Variants in KIF26B observed in about 807,000 individuals in gnomAD.
KIF26B encodes kinesin-like protein KIF26B.
A neutral mutation model predicts 151.2 loss-of-function variants in KIF26B; 63 were observed. The observed-to-expected ratio is 0.42, with a 90% CI of 0.34 to 0.51. The LOEUF (loss-of-function observed/expected upper bound fraction) is 0.51. KIF26B is among the 20% of genes least tolerant of loss of function. The probability of loss-of-function intolerance (pLI) is 0.07; values close to 1 mark genes in which losing one functional copy is unlikely to be tolerated. For missense variants in KIF26B, 2,813 were observed against 2,913.6 expected (o/e 0.97, Z 0.79); for synonymous variants, 1,357 against 1,262.1 (o/e 1.08, Z -1.59).
intron 10 of KIF26B, among the ~76,000 whole-genome samples, chr1:245,656,740 C>G (rs537139809): frequency 6.6e-6 from 1 of 151,584 alleles, no homozygotes; most frequent in Non-Finnish European, 1.5e-5. Flanking sequence ...GTCAGAGTGT[C>G]CAACCATAAA....
At chr1:245,561,228 C>T (rs565529280) in intron 5 of KIF26B, among the ~76,000 whole-genome samples, 23 of 152,272 alleles carry the variant, frequency 1.5e-4, no homozygotes, top group African/African-American at 3.9e-4. Context: ...ACAGCAATAG[C>T]GCAGGCACAA....
chr1:245,269,623 C>G (rs1327979150), intron 2 of KIF26B, among the ~76,000 whole-genome samples: 1 of 151,880 alleles, frequency 6.6e-6, no homozygotes, highest in Admixed American at 6.6e-5. Context: ...TGCCACCACG[C>G]CAAGCTAATT....
rs1660496685 is a variant in KIF26B, at chr1:245,495,596, C to T, written c.1167-45171C>T. ...AGGATGCCAGAACTCCTTCCTCCTA[C>T]ATAGCTATAATTTGGTCTATAGTTT... On this transcript the variant is annotated intron_variant, in intron 4 of 14. Transcript: ENST00000407071. The surrounding 1 kb of genome is among the most constrained non-coding windows in gnomAD (Gnocchi z 4.2). 6.6e-6 allele frequency among the ~76,000 whole-genome samples: 1 copy of T among 152,176 alleles called. No homozygotes were observed. The highest frequency in any genetic ancestry group is 1.5e-5 in the Non-Finnish European group (1 of 68,022).
At position 245,218,630 on chromosome 1, in the gene KIF26B, G is replaced by A. The variant is rs946469001; in HGVS notation, c.465+61947G>A. Among the ~76,000 whole-genome samples the A allele has an allele frequency of 2.0e-5, 3 of 152,262 alleles. No homozygotes were observed. The highest frequency in any genetic ancestry group is 2.9e-5 in the Non-Finnish European group (2 of 68,016). ...GACCCCAGGAGCTCTGCAGTGTGCC[G>A]CATGGAATCGCCTAAGATGGGACTG... On this transcript the variant is annotated intron_variant, in intron 2 of 14. Transcript: ENST00000407071. This position sits in a 1 kb window ranked among gnomAD's most constrained non-coding sequence, Gnocchi z 4.1.
Position 245,427,031 on chromosome 1 carries a change from C to T in KIF26B, c.1166+7286C>T, listed in dbSNP as rs1035446103. Among the ~76,000 whole-genome samples the T allele has an allele frequency of 3.3e-5, 5 of 152,148 alleles. No individual in the cohort carries two copies. In the South Asian group the frequency reaches 8.3e-4, roughly 25 times the overall value. ...GGATGGGAAGGAGCGTGGAACTGTT[C>T]CTGCTTCTTTTGTTCTTCTGTCAGG... is the stretch of plus-strand genomic sequence containing the variant. On this transcript the variant is annotated intron_variant, in intron 4 of 14. Transcript: ENST00000407071.
At chr1:245,439,364 GAAAA>G (rs1659011863) in intron 4 of KIF26B, among the ~76,000 whole-genome samples, 3 of 128,058 alleles carry the variant, frequency 2.3e-5, no homozygotes, top group African/African-American at 8.4e-5. Context: ...AAAAAAAAAA[GAAAA>G]AAGAAAGGTA....
At chr1:245,417,834 A>T (rs1191630493) in intron 3 of KIF26B, among the ~76,000 whole-genome samples, 1 of 152,188 alleles carries the variant, frequency 6.6e-6, no homozygotes, top group Non-Finnish European at 1.5e-5. Context: ...TTTGCAGGGC[A>T]CCTGCAGGAC....
At chr1:245,442,729 G>C (rs55663609) in intron 4 of KIF26B, among the ~76,000 whole-genome samples, 7,551 of 125,078 alleles carry the variant, frequency 0.06, 42 homozygotes, top group African/African-American at 0.11. Context: ...TGTTCACCTA[G>C]AGCTGTCATC....
intron 2 of KIF26B, among the ~76,000 whole-genome samples, chr1:245,262,557 C>G (rs776203542): frequency 6.6e-6 from 1 of 152,132 alleles, no homozygotes; most frequent in African/African-American, 2.4e-5. Flanking sequence ...GGGGTTCAAG[C>G]GATTCTCCTG....
Position 245,685,626 on chromosome 1 carries a change from C to A in KIF26B, c.2643C>A (p.Thr881=). Residue 881 remains threonine (T), a synonymous_variant, in exon 12 of 15, where the codon ACC becomes ACA. Coordinates refer to ENST00000407071, the MANE Select transcript of KIF26B (RefSeq NM_018012.4). ...NGTALSDKEL[T]DNEGPPDFVP... ...CGGCCCTCTCTGACAAGGAGCTCAC[C>A]GACAACGAGGGCCCCCCAGACTTTG... 2.5e-6 allele frequency: 4 copies of A among 1,613,502 alleles called. No homozygotes were observed. Among genetic ancestry groups the A allele is most frequent in the East Asian group, 2.2e-5 (1 of 44,872 alleles).
intron 4 of KIF26B, among the ~76,000 whole-genome samples, chr1:245,441,752 C>T (rs545626911): frequency 1.3e-5 from 2 of 152,330 alleles, no homozygotes; most frequent in East Asian, 1.9e-4. Context: ...GCTTAACAAT[C>T]GTTGGGTGGA....
At chr1:245,646,007 A>G (rs185554580) in intron 9 of KIF26B, 114 bp from the exon 10 acceptor site, 19 of 1,147,390 alleles carry the variant, frequency 1.7e-5, no homozygotes, top group Middle Eastern at 2.7e-4. Flanking sequence ...ATGAACGTCA[A>G]CCTTTTACTT....
At position 245,533,511 on chromosome 1, in the gene KIF26B, A is replaced by G. The variant is rs1195074614; in HGVS notation, c.1167-7256A>G. Among the ~76,000 whole-genome samples, 3 of 152,312 alleles carry G rather than the reference A, an allele frequency of 2.0e-5. No individual in the cohort carries two copies. The East Asian group carries it at 5.8e-4, about 29-fold the overall frequency. ...ATATTCTTAGGATAGGGTTAGGAAC[A>G]CACAGTATTCCTGAAACTTTTAAAG... is the stretch of plus-strand genomic sequence containing the variant. On this transcript the variant is annotated intron_variant, in intron 4 of 14. Coordinates refer to ENST00000407071, the MANE Select transcript of KIF26B (RefSeq NM_018012.4).
At chr1:245,289,196 T>C (rs570901922) in intron 2 of KIF26B, among the ~76,000 whole-genome samples, 1 of 152,222 alleles carries the variant, frequency 6.6e-6, no homozygotes, top group African/African-American at 2.4e-5. Flanking sequence ...CAACACTCTT[T>C]ATAAAGTATA....
intron 2 of KIF26B, among the ~76,000 whole-genome samples, chr1:245,311,110 T>C (rs1432117478): frequency 6.6e-6 from 1 of 152,064 alleles, no homozygotes; most frequent in Non-Finnish European, 1.5e-5. Flanking sequence ...CACACAGATG[T>C]TCCTAAAAAG....
intron 2 of KIF26B, among the ~76,000 whole-genome samples, chr1:245,225,385 C>T (rs1669853320): frequency 6.6e-6 from 1 of 152,212 alleles, no homozygotes; most frequent in African/African-American, 2.4e-5. Flanking sequence ...CTTTCCTGTC[C>T]AATCTCTGTG....
chr1:245,533,261 A>G (rs1455383465), intron 4 of KIF26B, among the ~76,000 whole-genome samples: 1 of 152,164 alleles, frequency 6.6e-6, no homozygotes, highest in African/African-American at 2.4e-5. Context: ...TGTCCTTTAC[A>G]TGCTGACAGG....
intron 5 of KIF26B, among the ~76,000 whole-genome samples, chr1:245,562,197 T>A (rs2042963366): frequency 1.3e-5 from 2 of 152,096 alleles, no homozygotes; most frequent in African/African-American, 4.8e-5. Flanking sequence ...GAGAGGGACC[T>A]GGGGAGGGTA....
At chr1:245,171,273 G>T (rs569470914) in intron 2 of KIF26B, among the ~76,000 whole-genome samples, 6 of 152,298 alleles carry the variant, frequency 3.9e-5, no homozygotes, top group African/African-American at 1.4e-4. Context: ...GGCCCGCACG[G>T]TGGCTCACGC....
Sources: gnomAD v4.1 joint callset for allele counts (sites outside exome capture counted in the v4.1 genomes callset) on GRCh38, gnomAD v4.1.1 for gene constraint, Gnocchi (gnomAD v3.1) non-coding constraint, MANE v1.5 for transcripts, NCBI Gene and HGNC (gene_info 2026-07-23, HGNC 2026-07-21) for gene names.